The following DCTD variants were observed in gnomAD, a reference collection of about 807,000 sequenced individuals.
DCTD encodes dCMP deaminase.
Under a neutral mutation model 21.0 loss-of-function variants are expected in DCTD, and 23 were observed. The observed-to-expected ratio is 1.09, with a 90% CI of 0.79 to 1.55. The LOEUF (loss-of-function observed/expected upper bound fraction) is 1.55, where lower values mean the gene tolerates loss of function less well. Ranked by LOEUF, DCTD falls within the 40% of genes most tolerant of loss-of-function variation. DCTD has a pLI of 0.00. For missense variants in DCTD, 224 were observed against 230.0 expected, an observed-to-expected ratio of 0.97 and a Z score of 0.17; for synonymous variants, 71 against 81.1, an observed-to-expected ratio of 0.88 and a Z score of 0.67.
chr4:182,904,151 G>T (rs996617215), intron 3 of DCTD, among the ~76,000 whole-genome samples: 1 of 152,146 alleles, frequency 6.6e-6, no homozygotes, highest in Non-Finnish European at 1.5e-5. Flanking sequence ...GCACCCAGGG[G>T]AGCCACTTAG....
intron 3 of DCTD, among the ~76,000 whole-genome samples, chr4:182,906,915 T>C (rs1220038467): frequency 6.6e-6 from 1 of 152,238 alleles, no homozygotes; most frequent in Admixed American, 6.5e-5. Context: ...TTCCCTTGCA[T>C]TGCAACTCTC....
At chr4:182,895,307 G>A (rs1734547496) in intron 3 of DCTD, among the ~76,000 whole-genome samples, 1 of 152,178 alleles carries the variant, frequency 6.6e-6, no homozygotes, top group African/African-American at 2.4e-5. Flanking sequence ...CTGGCCGTAA[G>A]TGATCTTCCC....
At chr4:182,893,687 G>C (rs969896334) in intron 4 of DCTD, among the ~76,000 whole-genome samples, 1 of 152,282 alleles carries the variant, frequency 6.6e-6, no homozygotes, top group African/African-American at 2.4e-5. Context: ...GGAGGCTGCA[G>C]TGTGGGGCCC....
At chr4:182,905,198 G>A (rs1424530366) in intron 3 of DCTD, among the ~76,000 whole-genome samples, 42 of 151,942 alleles carry the variant, frequency 2.8e-4, no homozygotes, top group Non-Finnish European at 5.9e-4. Flanking sequence ...CTATTGCTCC[G>A]CTGAAACTGT....
rs1232492109 is a variant in DCTD at position 182,915,519 on chromosome 4, T to A, written c.50A>T (p.Glu17Val). The change falls in exon 2 of 6, where the codon GAG becomes GTG. Residue 17 changes from glutamate to valine, a missense_variant. By Grantham distance (121) the Glu-to-Val change is moderately radical. Transcript: ENST00000438320. ...KKRDDYLEWP[E>V]YFMAVAFLSA... ...TAAGAAGGCCACAGCCATAAAATAC[T>A]CTGGCCATTCCAAATAGTCGTCCCG... The A allele has an allele frequency of 1.2e-6, 2 of 1,614,034 alleles. No homozygotes were observed. Among genetic ancestry groups the A allele is most frequent in the Non-Finnish European group, 8.5e-7 (1 of 1,179,870 alleles).
intron 3 of DCTD, among the ~76,000 whole-genome samples, chr4:182,895,310 A>G (rs1734548561): frequency 6.6e-6 from 1 of 152,112 alleles, no homozygotes; most frequent in African/African-American, 2.4e-5. Flanking sequence ...GCCGTAAGTG[A>G]TCTTCCCATC....
intron 3 of DCTD, among the ~76,000 whole-genome samples, chr4:182,901,216 T>C (rs1735680300): frequency 6.6e-6 from 1 of 152,210 alleles, no homozygotes; most frequent in African/African-American, 2.4e-5. Flanking sequence ...GCTGCCTAAA[T>C]AATTTAGCAG....
At chr4:182,906,941 T>C (rs1033871746) in intron 3 of DCTD, among the ~76,000 whole-genome samples, 1 of 152,250 alleles carries the variant, frequency 6.6e-6, no homozygotes, top group Non-Finnish European at 1.5e-5. Flanking sequence ...TTCACCAGTA[T>C]CCTGCATTTA....
Position 182,891,479 on chromosome 4 carries a change from T to C in DCTD, c.459-2A>G. On this transcript the variant is annotated splice_acceptor_variant, in intron 5 of 5. Transcript: ENST00000438320. LOFTEE classifies it high-confidence loss of function. ...TTGCTGCACTTCGGTATGAATTTCC[T>C]AAAAATAAAAACAAAATACAATTAT... 1 of 1,597,892 alleles carries C rather than the reference T, an allele frequency of 6.3e-7. No homozygotes were observed. Among genetic ancestry groups the C allele is most frequent in the South Asian group, 1.1e-5 (1 of 90,762 alleles).
chr4:182,908,682 CAAAAA>C (rs34915632), intron 3 of DCTD, among the ~76,000 whole-genome samples: 13 of 63,742 alleles, frequency 2.0e-4, no homozygotes, highest in Non-Finnish European at 2.9e-4. Context: ...GACTCTGTCT[CAAAAA>C]AAAAAAAAAA....
intron 4 of DCTD, 46 bp downstream of exon 4, chr4:182,894,443 G>T: frequency 8.8e-7 from 1 of 1,137,180 alleles, no homozygotes; most frequent in Non-Finnish European, 1.3e-6. Context: ...CTACTGACGA[G>T]CAGGCAGCAA....
At chr4:182,914,107 A>C (rs1738245292) in intron 3 of DCTD, among the ~76,000 whole-genome samples, 1 of 152,180 alleles carries the variant, frequency 6.6e-6, no homozygotes, top group South Asian at 2.1e-4. Flanking sequence ...TCCTGAGTTC[A>C]AGCGATTCTC....
At chr4:182,905,086 C>T (rs1250474253) in intron 3 of DCTD, among the ~76,000 whole-genome samples, 1 of 152,182 alleles carries the variant, frequency 6.6e-6, no homozygotes, top group Non-Finnish European at 1.5e-5. Flanking sequence ...CACTTCTCTG[C>T]TCTCTTCTCA....
At chr4:182,907,171 TGTC>T (rs915030771) in intron 3 of DCTD, among the ~76,000 whole-genome samples, 38 of 152,332 alleles carry the variant, frequency 2.5e-4, no homozygotes, top group African/African-American at 8.4e-4. Flanking sequence ...TCTCTCATTC[TGTC>T]GTCTGGGATG....
intron 3 of DCTD, among the ~76,000 whole-genome samples, chr4:182,899,083 A>G (rs1433501060): frequency 6.6e-6 from 1 of 151,886 alleles, no homozygotes; most frequent in East Asian, 1.9e-4. Flanking sequence ...CCAATCTCCC[A>G]CTCCCAACAT....
chr4:182,906,902 C>T (rs1211866622), intron 3 of DCTD, among the ~76,000 whole-genome samples: 1 of 152,250 alleles, frequency 6.6e-6, no homozygotes, highest in Admixed American at 6.5e-5. Context: ...AGGGGAGCGC[C>T]CATTCCCTTG....
Position 182,914,978 on chromosome 4 carries a change from G to A in DCTD, c.189C>T (p.Asp63=), listed in dbSNP as rs759351882. The A allele has an allele frequency of 8.7e-6, 14 of 1,614,068 alleles. No individual in the cohort carries two copies. The highest frequency in any genetic ancestry group is 2.7e-5 in the African/African-American group (2 of 74,928). Residue 63 remains aspartate, a synonymous_variant, in exon 3 of 6, where the codon GAC becomes GAT. Coordinates refer to ENST00000438320, the MANE Select transcript of DCTD (RefSeq NM_001921.3). ...YNGMPNGCSD[D]VLPWRRTAEN... ...CTGCTGTCCTTCTCCAAGGCAACACGTCATCACTGCACCCATTTGGCATCC... is the reference window on the plus strand; with the variant it reads ...CTGCTGTCCTTCTCCAAGGCAACACATCATCACTGCACCCATTTGGCATCC...
At chr4:182,893,721 C>T (rs1176943255) in intron 4 of DCTD, among the ~76,000 whole-genome samples, 1 of 152,258 alleles carries the variant, frequency 6.6e-6, no homozygotes, top group Non-Finnish European at 1.5e-5. Context: ...CACAGGCCTG[C>T]CACCGCCTCC....
At position 182,891,106 on chromosome 4, in the gene DCTD, C is replaced by A; in HGVS notation, c.*293G>T. ...GACAGCTGATGCTCCTCTGAAGAGCCACCAGCATCCCAGCCAGCCAGGACA... is the reference window on the plus strand; with the variant it reads ...GACAGCTGATGCTCCTCTGAAGAGCAACCAGCATCCCAGCCAGCCAGGACA... On this transcript the variant is annotated 3_prime_UTR_variant, in exon 6 of 6. Coordinates refer to ENST00000438320, the MANE Select transcript of DCTD (RefSeq NM_001921.3). The A allele has an allele frequency of 3.1e-6, 1 of 324,608 alleles. No homozygotes were observed. The allele number at this position is 324,608 out of a possible 1,614,324, so 20.1% of individuals were successfully genotyped here. A position where few individuals can be genotyped will look rare whatever the true frequency, so the allele number is the denominator to read the frequency against.
Sources: gnomAD v4.1 joint callset for allele counts (sites outside exome capture counted in the v4.1 genomes callset) on GRCh38, gnomAD v4.1.1 for gene constraint, MANE v1.5 for transcripts, NCBI Gene and HGNC (gene_info 2026-07-23, HGNC 2026-07-21) for gene names.